Variants in GSTA5 observed in about 807,000 individuals in gnomAD.
The protein encoded by GSTA5 is glutathione S-transferase A5.
A neutral mutation model predicts 21.8 loss-of-function variants in GSTA5; 25 were observed. The ratio of observed to expected loss-of-function variants is 1.14; its 90% CI spans 0.83 to 1.60. GSTA5 has a LOEUF of 1.60. Ranked by LOEUF, GSTA5 falls within the 40% of genes most tolerant of loss-of-function variation. GSTA5 has a pLI of 0.00. For missense variants in GSTA5, 330 were observed against 259.2 expected (o/e 1.27, Z -1.88); for synonymous variants, 102 against 89.5 (o/e 1.14, Z -0.78).
At chr6:52,839,538 C>T (rs563696198) in intron 1 of GSTA5, among the ~76,000 whole-genome samples, 1 of 152,244 alleles carries the variant, frequency 6.6e-6, no homozygotes, top group East Asian at 1.9e-4. Context: ...CACAAAGTAC[C>T]GTTCCGAGGC....
In GSTA5 at chr6:52,840,711, C is replaced by G; in HGVS notation, c.87+16G>C. 1 of 1,610,392 alleles carries G rather than the reference C, an allele frequency of 6.2e-7. No individual in the cohort carries two copies. Among genetic ancestry groups the G allele is most frequent in the Non-Finnish European group, 8.5e-7 (1 of 1,177,010 alleles). On this transcript the variant is annotated intron_variant, in intron 1 of 5. Coordinates refer to ENST00000370989, the Ensembl canonical transcript of GSTA5. Reference sequence around the variant, plus strand: ...AATTTTAAATCCAACTTAAGATGACCTTACTCAGAACCTACCTCTACTCCA... The same window carrying G: ...AATTTTAAATCCAACTTAAGATGACGTTACTCAGAACCTACCTCTACTCCA...
At chr6:52,831,822 T>A (rs771824351) in exon 6 of GSTA5, 2 of 1,613,500 alleles carry the variant, frequency 1.2e-6, no homozygotes, top group Non-Finnish European at 1.7e-6. Flanking sequence ...TGGTCTGGCA[T>A]GTTCTTGGCC....
At chr6:52,833,223 T>C (rs1383867032) in intron 4 of GSTA5, among the ~76,000 whole-genome samples, 1 of 152,200 alleles carries the variant, frequency 6.6e-6, no homozygotes, top group African/African-American at 2.4e-5. Context: ...TCCACATCAC[T>C]GTGGTGTCTA....
intron 1 of GSTA5, among the ~76,000 whole-genome samples, chr6:52,840,110 C>A (rs1262976839): frequency 6.6e-6 from 1 of 152,182 alleles, no homozygotes; most frequent in Non-Finnish European, 1.5e-5. Flanking sequence ...TAACTACAGC[C>A]ATTTTTAAAT....
chr6:52,841,381 G>A (rs1764375872), upstream of GSTA5, among the ~76,000 whole-genome samples: 1 of 152,228 alleles, frequency 6.6e-6, no homozygotes. Context: ...GGGAACCCAT[G>A]AACTGGTTGT....
chr6:52,832,904 C>G, exon 5 of GSTA5: 1 of 1,614,082 alleles, frequency 6.2e-7, no homozygotes, highest in Non-Finnish European at 8.5e-7. Context: ...CAAGCTCTTC[C>G]ACGTAGTAGA....
chr6:52,841,545 T>C (rs759964453), upstream of GSTA5, among the ~76,000 whole-genome samples: 1 of 152,242 alleles, frequency 6.6e-6, no homozygotes, highest in Non-Finnish European at 1.5e-5. Context: ...CAACAGAGAA[T>C]GCTAATACCT....
upstream of GSTA5, among the ~76,000 whole-genome samples, chr6:52,841,446 C>T (rs1052974515): frequency 6.6e-6 from 1 of 152,234 alleles, no homozygotes; most frequent in African/African-American, 2.4e-5. Context: ...AGTCACTCTT[C>T]AGCTCTCTGG....
At chr6:52,831,960 G>C in exon 6 of GSTA5, 3 of 1,612,878 alleles carry the variant, frequency 1.9e-6, no homozygotes, top group Admixed American at 1.7e-5. Flanking sequence ...GCTGATTCTG[G>C]TTTTCAGGGC....
intron 2 of GSTA5, among the ~76,000 whole-genome samples, chr6:52,837,205 T>C (rs73740665): frequency 0.011 from 1,695 of 152,326 alleles, 30 homozygotes; most frequent in African/African-American, 0.038. Context: ...TTTTTCCTCC[T>C]TTCATCTAGC....
In GSTA5 at chr6:52,838,983, G is replaced by A. The variant is rs149089986; in HGVS notation, c.88-1374C>T. On this transcript the variant is annotated intron_variant, in intron 1 of 5. Transcript: ENST00000370989. Reference sequence around the variant, plus strand: ...TTTAATGGAGTTCTTTATGGTGAAAGATCAGGAATTTGGGGGTTTCTGGCT... The same window carrying A: ...TTTAATGGAGTTCTTTATGGTGAAAAATCAGGAATTTGGGGGTTTCTGGCT... 2.5e-3 allele frequency among the ~76,000 whole-genome samples: 384 copies of A among 152,322 alleles called. 2 individuals carry two copies. Among genetic ancestry groups the A allele is most frequent in the African/African-American group, 9.0e-3 (375 of 41,568 alleles).
chr6:52,840,687 A>G (rs762357882), intron 1 of GSTA5, 40 bp downstream of exon 1: 2 of 1,572,018 alleles, frequency 1.3e-6, no homozygotes, highest in Admixed American at 3.4e-5. Flanking sequence ...TGATAACGCA[A>G]TTTTAAATCC....
chr6:52,836,199 G>T (rs757540853), intron 3 of GSTA5, 37 bp downstream of exon 3: 1 of 1,607,926 alleles, frequency 6.2e-7, no homozygotes. Flanking sequence ...ATCACTCTGT[G>T]TTCTCTGTGG....
upstream of GSTA5, among the ~76,000 whole-genome samples, chr6:52,845,079 T>C (rs1764435066): frequency 6.6e-6 from 1 of 152,184 alleles, no homozygotes; most frequent in African/African-American, 2.4e-5. Flanking sequence ...TAAATTTTTA[T>C]ATGAATCCAG....
chr6:52,836,534 C>A (rs1005088289), intron 2 of GSTA5, among the ~76,000 whole-genome samples, 166 bp from the exon 3 acceptor site: 8 of 152,280 alleles, frequency 5.3e-5, no homozygotes, highest in African/African-American at 1.9e-4. Flanking sequence ...TTTTTTGAGA[C>A]AGAGTCTCAC....
intron 4 of GSTA5, among the ~76,000 whole-genome samples, chr6:52,833,288 C>G (rs1204378747): frequency 4.6e-5 from 7 of 151,858 alleles, no homozygotes; most frequent in Admixed American, 1.3e-4. Context: ...GCACCTGCCT[C>G]CATGTGTTCT....
intron 1 of GSTA5, among the ~76,000 whole-genome samples, chr6:52,839,376 G>T (rs1764340309): frequency 6.6e-6 from 1 of 152,162 alleles, no homozygotes; most frequent in African/African-American, 2.4e-5. Flanking sequence ...TCCCTGAGCT[G>T]CAGAGCTGAT....
At chr6:52,845,153 A>T (rs1432178960), upstream of GSTA5, among the ~76,000 whole-genome samples, 1 of 152,086 alleles carries the variant, frequency 6.6e-6, no homozygotes, top group African/African-American at 2.4e-5. Flanking sequence ...TAGCTTCTGT[A>T]CAGAGGTTAA....
At chr6:52,842,406 C>CT (rs3063633), upstream of GSTA5, among the ~76,000 whole-genome samples, 248 of 128,764 alleles carry the variant, frequency 1.9e-3, 17 homozygotes, top group Admixed American at 2.8e-3. Context: ...TAATGTATTT[C>CT]TTTTTTTTTT....
Sources: allele counts gnomAD v4.1 joint callset (sites outside exome capture counted in the v4.1 genomes callset), GRCh38; gene constraint gnomAD v4.1.1; transcripts MANE v1.5; gene names NCBI Gene and HGNC (gene_info 2026-07-23, HGNC 2026-07-21).